Variants in PRKD1 observed in about 807,000 individuals in gnomAD.
The protein encoded by PRKD1 is protein kinase D1.
PRKD1 carries 63 observed loss-of-function variants against 95.9 expected under a neutral mutation model. The ratio of observed to expected loss-of-function variants is 0.66; its 90% CI spans 0.54 to 0.81. The LOEUF is 0.81. PRKD1 is among the 30% of genes least tolerant of loss of function. The pLI is 0.00. For missense variants in PRKD1, 1,048 were observed against 1,165.3 expected (o/e 0.90, Z 1.47); for synonymous variants, 425 against 423.1 (o/e 1.00, Z -0.05).
At chr14:29,767,366 A>G (rs1054130032) in intron 1 of PRKD1, among the ~76,000 whole-genome samples, 7 of 152,192 alleles carry the variant, frequency 4.6e-5, no homozygotes, top group African/African-American at 1.7e-4. Context: ...TCCATAATCT[A>G]TGCGGCTTAA....
chr14:29,862,538 C>A (rs1318873254), intron 1 of PRKD1, among the ~76,000 whole-genome samples: 1 of 152,160 alleles, frequency 6.6e-6, no homozygotes, highest in East Asian at 1.9e-4. Flanking sequence ...TAATCACCAG[C>A]ATTTATTTGC....
intron 1 of PRKD1, among the ~76,000 whole-genome samples, chr14:29,883,673 C>T (rs898647452): frequency 6.6e-6 from 1 of 152,114 alleles, no homozygotes; most frequent in Non-Finnish European, 1.5e-5. Context: ...GACATATCAC[C>T]AAATACTTTA....
chr14:29,740,517 G>T (rs1330537852), intron 1 of PRKD1, among the ~76,000 whole-genome samples: 2 of 152,158 alleles, frequency 1.3e-5, no homozygotes, highest in African/African-American at 4.8e-5. Context: ...TTTACTGCTT[G>T]ATCTTTCCTC....
At chr14:29,723,353 C>A (rs1034293344) in intron 2 of PRKD1, among the ~76,000 whole-genome samples, 3 of 152,056 alleles carry the variant, frequency 2.0e-5, no homozygotes, top group African/African-American at 7.2e-5. Context: ...AGAGGCAAAG[C>A]CTCTTGGAAA....
At position 29,656,616 on chromosome 14, in the gene PRKD1, T is replaced by G. The variant is rs530206692; in HGVS notation, c.696+7083A>C. On this transcript the variant is annotated intron_variant, in intron 4 of 17. Transcript: ENST00000331968. ...AAGCACATTACTCAATAATGTTTCATATAGGCATGCTTTCAAAAAAAAGCA... is the reference window on the plus strand; with the variant it reads ...AAGCACATTACTCAATAATGTTTCAGATAGGCATGCTTTCAAAAAAAAGCA... The G allele has an allele frequency of 1.2e-5, 15 of 1,204,308 alleles. No individual in the cohort carries two copies. In the Admixed American group the frequency reaches 3.2e-4, roughly 25 times the overall value. The allele number at this position is 1,204,308 out of a possible 1,614,324, so 74.6% of individuals were successfully genotyped here.
intron 14 of PRKD1, among the ~76,000 whole-genome samples, 173 bp from the exon 15 acceptor site, chr14:29,599,298 T>G (rs2139012900): frequency 6.6e-6 from 1 of 152,192 alleles, no homozygotes; most frequent in South Asian, 2.1e-4. Flanking sequence ...AATGAAAAAA[T>G]TACCATATGA....
chr14:29,907,924 T>C (rs1013051320), intron 1 of PRKD1, among the ~76,000 whole-genome samples: 6 of 152,194 alleles, frequency 3.9e-5, no homozygotes, highest in Admixed American at 2.0e-4. Context: ...ATGTGACACA[T>C]ATTTTTAAAA....
chr14:29,823,639 A>T (rs1891002755), intron 1 of PRKD1, among the ~76,000 whole-genome samples: 1 of 152,198 alleles, frequency 6.6e-6, no homozygotes. Context: ...GACCACTGAC[A>T]TAAAAGGCAA....
chr14:29,810,579 C>T (rs1276203201), intron 1 of PRKD1, among the ~76,000 whole-genome samples: 1 of 152,142 alleles, frequency 6.6e-6, no homozygotes, highest in African/African-American at 2.4e-5. Flanking sequence ...CAGATGAAAA[C>T]ATTTTAGGCC....
At chr14:29,725,759 C>A in intron 1 of PRKD1, 85 bp from the exon 2 acceptor site, 1 of 1,422,080 alleles carries the variant, frequency 7.0e-7, no homozygotes, top group South Asian at 1.4e-5. Flanking sequence ...CAAATACAAG[C>A]TAATTAGAAA....
At chr14:29,727,832 A>G (rs1337671078) in intron 1 of PRKD1, among the ~76,000 whole-genome samples, 1 of 151,656 alleles carries the variant, frequency 6.6e-6, no homozygotes, top group Non-Finnish European at 1.5e-5. Flanking sequence ...ATGCAGCCAT[A>G]AAAAATGATG....
At chr14:29,917,563 G>A (rs911735685) in intron 1 of PRKD1, among the ~76,000 whole-genome samples, 1 of 151,788 alleles carries the variant, frequency 6.6e-6, no homozygotes, top group African/African-American at 2.4e-5. Flanking sequence ...GTAGAAATAC[G>A]TTTCTGTTTG....
In PRKD1 at chr14:29,632,935, G is replaced by C. The variant is rs1177587712; in HGVS notation, c.1326C>G (p.His442Gln). 6.2e-7 allele frequency: 1 copy of C among 1,613,242 alleles called. No individual in the cohort carries two copies. Among genetic ancestry groups the C allele is most frequent in the Admixed American group, 1.7e-5 (1 of 59,992 alleles). Residue 442 changes from histidine to glutamine, a missense_variant, in exon 9 of 18, where the codon CAC (histidine) becomes CAG (glutamine). By Grantham distance (24) the His-to-Gln change is conservative. Transcript: ENST00000331968. ...YTSKDTLRKR[H>Q]YWRLDSKCIT... The stretch of plus-strand genomic sequence containing the variant: ...TACATTTGCTATCCAATCTCCAATA[G>C]TGCCGTTTCCGCTGAAACAGAAGTT...
At chr14:29,794,264 A>T (rs1305986939) in intron 1 of PRKD1, among the ~76,000 whole-genome samples, 2 of 151,702 alleles carry the variant, frequency 1.3e-5, no homozygotes, top group Non-Finnish European at 2.9e-5. Flanking sequence ...TATATAAATT[A>T]TTATATTCTT....
intron 1 of PRKD1, among the ~76,000 whole-genome samples, chr14:29,762,420 A>C (rs944520890): frequency 6.6e-6 from 1 of 152,150 alleles, no homozygotes; most frequent in East Asian, 1.9e-4. Flanking sequence ...AGAAGACAGG[A>C]TGCTTCTTTG....
At chr14:29,798,766 A>C (rs893510044) in intron 1 of PRKD1, among the ~76,000 whole-genome samples, 11 of 152,256 alleles carry the variant, frequency 7.2e-5, no homozygotes, top group Non-Finnish European at 1.5e-4. Flanking sequence ...TTTCAGAATA[A>C]AAATATAACC....
intron 16 of PRKD1, among the ~76,000 whole-genome samples, chr14:29,586,358 C>T (rs528874139): frequency 1.3e-5 from 2 of 152,166 alleles, no homozygotes; most frequent in Non-Finnish European, 2.9e-5. Flanking sequence ...TAACTACAGA[C>T]TGGAGCAATG....
At chr14:29,831,616 G>C (rs1005292760) in intron 1 of PRKD1, among the ~76,000 whole-genome samples, 2 of 151,952 alleles carry the variant, frequency 1.3e-5, no homozygotes, top group African/African-American at 4.8e-5. Flanking sequence ...TTACAGGCAT[G>C]TGCCACCACA....
In PRKD1 at chr14:29,708,310, CA is replaced by C. The variant is rs1885182827; in HGVS notation, c.403+17225del. Among the ~76,000 whole-genome samples, 7 of 152,114 alleles carry C rather than the reference CA, an allele frequency of 4.6e-5. No individual in the cohort carries two copies. In the South Asian group the frequency reaches 1.5e-3, roughly 32 times the overall value. ...AAAAAGTGGCATTAGGATAATTTTA[CA>C]TATCTTCAGAGGAGCCAATAATGAA... On this transcript the variant is annotated intron_variant, in intron 2 of 17. Coordinates refer to ENST00000331968, the MANE Select transcript of PRKD1 (RefSeq NM_002742.3).
Sources: gnomAD v4.1 joint callset for allele counts (sites outside exome capture counted in the v4.1 genomes callset) on GRCh38, gnomAD v4.1.1 for gene constraint, MANE v1.5 for transcripts, NCBI Gene and HGNC (gene_info 2026-07-23, HGNC 2026-07-21) for gene names.